Variants in POLQ observed in about 807,000 individuals in gnomAD.
POLQ encodes the protein DNA polymerase theta, also known as epididymis secretory sperm binding protein.
In POLQ, 233 loss-of-function variants were observed where a neutral mutation model predicts 259.2. That is an observed-to-expected ratio of 0.90 (90% CI 0.81 to 1.00). POLQ has a LOEUF of 1.00. Among genes scored for constraint, POLQ ranks in the 50% least tolerant of loss-of-function variants. POLQ has a pLI of 0.00. For missense variants in POLQ, 2,871 were observed against 3,051.6 expected, an observed-to-expected ratio of 0.94 and a Z score of 1.39; for synonymous variants, 1,025 against 1,048.8, an observed-to-expected ratio of 0.98 and a Z score of 0.44.
intron 15 of POLQ, among the ~76,000 whole-genome samples, chr3:121,491,108 T>C (rs1457479267): frequency 1.3e-5 from 2 of 151,882 alleles, no homozygotes; most frequent in South Asian, 2.1e-4. Flanking sequence ...ATCCCAGCAC[T>C]TTGGGAGGCC....
At chr3:121,460,260 G>A (rs778220870) in intron 24 of POLQ, 26 bp from the exon 25 acceptor site, 7 of 1,569,606 alleles carry the variant, frequency 4.5e-6, no homozygotes, top group Non-Finnish European at 6.1e-6. Flanking sequence ...TTTCAGAAAA[G>A]CTAGTACAAA....
intron 24 of POLQ, among the ~76,000 whole-genome samples, chr3:121,466,242 A>C (rs913376823): frequency 1.3e-5 from 2 of 151,748 alleles, no homozygotes; most frequent in African/African-American, 4.8e-5. Context: ...TTCCTACTCC[A>C]GAATTTCTAT....
In POLQ at chr3:121,440,086, T is replaced by C. The variant is rs767403912; in HGVS notation, c.7295A>G (p.Lys2432Arg). ...GINQFMTETVKNCKRDGFVQT... is the reference protein window; with the variant it reads ...GINQFMTETVRNCKRDGFVQT... ...AACAAATCCGTCTCTTTTACAATTC[T>C]TCACTGTCTCTGTCATGAATTGATT... is the stretch of plus-strand genomic sequence containing the variant. Residue 2432 changes from lysine (K) to arginine (R), a missense_variant, in exon 27 of 30, where the codon AAG becomes AGG. By Grantham distance (26) the Lys-to-Arg change is conservative. Transcript: ENST00000264233. The C allele has an allele frequency of 1.9e-6, 3 of 1,607,492 alleles. No homozygotes were observed. In the East Asian group the frequency reaches 6.7e-5, roughly 36 times the overall value.
rs561048009 is a variant in POLQ at position 121,477,097 on chromosome 3, A to G, written c.6212-364T>C. 1.4e-4 allele frequency among the ~76,000 whole-genome samples: 22 copies of G among 152,318 alleles called. No homozygotes were observed. The East Asian group carries it at 4.2e-3, about 29-fold the overall frequency. ...ATGCTCCAAAATCTGAAACTTTCTG[A>G]GCACTGACATGACACCACAATTAGG... On this transcript the variant is annotated intron_variant, in intron 19 of 29. Coordinates refer to ENST00000264233, the MANE Select transcript of POLQ (RefSeq NM_199420.4).
At chr3:121,542,762 C>A (rs555083369) in intron 2 of POLQ, among the ~76,000 whole-genome samples, 241 of 152,188 alleles carry the variant, frequency 1.6e-3, no homozygotes, top group Non-Finnish European at 2.5e-3. Flanking sequence ...TCAAGACCAG[C>A]CTGGACAACA....
intron 28 of POLQ, among the ~76,000 whole-genome samples, chr3:121,434,018 G>A (rs1318160794): frequency 6.6e-6 from 1 of 152,222 alleles, no homozygotes; most frequent in Non-Finnish European, 1.5e-5. Flanking sequence ...TGCAAAGGCT[G>A]TACCTCTGTT....
intron 26 of POLQ, 60 bp downstream of exon 26, chr3:121,449,255 T>C (rs1395739280): frequency 1.1e-6 from 1 of 884,706 alleles, no homozygotes; most frequent in Non-Finnish European, 1.8e-6. Context: ...ATTACACAAA[T>C]TTTTAAAAAT....
chr3:121,490,515 TGAA>T (rs2048059738), intron 15 of POLQ, 107 bp from the exon 16 acceptor site: 1 of 876,688 alleles, frequency 1.1e-6, no homozygotes, highest in South Asian at 1.6e-5. Flanking sequence ...AAAATAACAA[TGAA>T]GAAGAGAGAG....
chr3:121,489,783 G>A lies in POLQ; in HGVS notation c.3148C>T (p.Arg1050Ter), dbSNP rs747386606. Residue 1050 changes from arginine (R) to a stop codon, truncating the protein, a stop_gained, in exon 16 of 30, where the codon CGA becomes TGA. Transcript: ENST00000264233. LOFTEE classifies it high-confidence loss of function. ...TTCAGGGGGCTGCTGTCCCTAGATC[G>A]CTTTAGATGCTTTCTACGTTTCCAA... ...RSWKRRKHLK[R>*]SRDSSPLKDS... 37 of 1,612,340 alleles carry A rather than the reference G, an allele frequency of 2.3e-5. No homozygotes were observed. The highest frequency in any genetic ancestry group is 3.3e-5 in the Admixed American group (2 of 59,772).
chr3:121,435,018 GC>G (rs2047531390), intron 28 of POLQ, among the ~76,000 whole-genome samples: 1 of 152,046 alleles, frequency 6.6e-6, no homozygotes, highest in Non-Finnish European at 1.5e-5. Context: ...TTTTAAATTA[GC>G]CAGGCATGGT....
intron 23 of POLQ, 40 bp downstream of exon 23, chr3:121,468,265 C>G: frequency 6.5e-7 from 1 of 1,535,752 alleles, no homozygotes; most frequent in Non-Finnish European, 8.8e-7. Context: ...TTCATACTTA[C>G]AAAAGTTTAT....
intron 26 of POLQ, among the ~76,000 whole-genome samples, chr3:121,447,860 C>A (rs2047644265): frequency 6.6e-6 from 1 of 151,918 alleles, no homozygotes; most frequent in African/African-American, 2.4e-5. Context: ...TTTCCTTTGA[C>A]ACTTCATGCC....
In POLQ at chr3:121,490,142, G is replaced by A. The variant is rs749628574; in HGVS notation, c.2789C>T (p.Ser930Phe). The change falls in exon 16 of 30, where the codon TCT (serine) becomes TTT (phenylalanine). Residue 930 changes from serine (S) to phenylalanine (F), a missense_variant. Physicochemically the swap from Ser to Phe is radical, Grantham distance 155 (BLOSUM62 -2). Around this residue, in one of 3 missense-constraint regions of POLQ, gnomAD observed 2,080 missense variants for 2,126.0 expected, o/e 0.98. Coordinates refer to ENST00000264233, the MANE Select transcript of POLQ (RefSeq NM_199420.4). ...GTTCTTTGATGTTAATTTTTTATAA[G>A]AACTCTTAGTTTGGGATATAAATGT... ...EHTFISQTKS[S>F]YKKLTSKNKS... 1 of 1,609,014 alleles carries A rather than the reference G, an allele frequency of 6.2e-7. No individual in the cohort carries two copies. Among genetic ancestry groups the A allele is most frequent in the South Asian group, 1.1e-5 (1 of 90,312 alleles).
intron 5 of POLQ, among the ~76,000 whole-genome samples, chr3:121,536,488 T>C (rs2048452000): frequency 6.6e-6 from 1 of 152,132 alleles, no homozygotes; most frequent in Non-Finnish European, 1.5e-5. Flanking sequence ...ATAATATTTT[T>C]TTCAAAATTA....
intron 22 of POLQ, among the ~76,000 whole-genome samples, chr3:121,471,411 G>C (rs2047882449): frequency 6.6e-6 from 1 of 152,072 alleles, no homozygotes; most frequent in Non-Finnish European, 1.5e-5. Context: ...TGAAAGTACT[G>C]TCTCAGACAT....
intron 25 of POLQ, among the ~76,000 whole-genome samples, chr3:121,459,139 A>G (rs73855394): frequency 6.6e-6 from 1 of 152,220 alleles, no homozygotes; most frequent in Admixed American, 6.5e-5. Context: ...ACTAACATGG[A>G]TCCATTTCAA....
At chr3:121,483,699 G>T in intron 17 of POLQ, 117 bp from the exon 18 acceptor site, 3 of 672,928 alleles carry the variant, frequency 4.5e-6, no homozygotes, top group East Asian at 2.9e-5. Context: ...CTAAGGGTCT[G>T]GTTCCATGTG....
chr3:121,537,473 A>G (rs1022392859), intron 4 of POLQ, among the ~76,000 whole-genome samples: 2 of 152,148 alleles, frequency 1.3e-5, no homozygotes, highest in African/African-American at 4.8e-5. Flanking sequence ...AGTAGTCCCC[A>G]GTTTCTGTTG....
intron 9 of POLQ, among the ~76,000 whole-genome samples, chr3:121,515,549 A>G (rs2048288933): frequency 2.0e-5 from 3 of 152,366 alleles, no homozygotes; most frequent in African/African-American, 7.2e-5. Context: ...CTGATAGCAG[A>G]GCCCAGCCAG....
Sources: allele counts gnomAD v4.1 joint callset (sites outside exome capture counted in the v4.1 genomes callset), GRCh38; gene constraint gnomAD v4.1.1; regional missense constraint gnomAD v4.1.1; transcripts MANE v1.5; gene names NCBI Gene and HGNC (gene_info 2026-07-23, HGNC 2026-07-21).